MINDY4: variants seen among roughly 807,000 people sequenced by gnomAD.
MINDY4 encodes MINDY lysine 48 deubiquitinase 4, also known as probable ubiquitin carboxyl-terminal hydrolase MINDY-4.
In MINDY4, 68 loss-of-function variants were observed where a neutral mutation model predicts 87.0. That is an observed-to-expected ratio of 0.78 (90% confidence interval 0.64 to 0.96). MINDY4 has a LOEUF of 0.96. MINDY4 is among the 40% of genes least tolerant of loss of function. The pLI is 0.00. For missense variants in MINDY4, 919 were observed against 928.2 expected (o/e 0.99, Z 0.13); for synonymous variants, 379 against 363.2 (o/e 1.04, Z -0.50).
At chr7:30,891,139 T>C (rs1790782520) in intron 17 of MINDY4, among the ~76,000 whole-genome samples, 1 of 152,242 alleles carries the variant, frequency 6.6e-6, no homozygotes, top group Non-Finnish European at 1.5e-5. Context: ...CTGTGAGATA[T>C]TCAACATCTG....
intron 9 of MINDY4, among the ~76,000 whole-genome samples, chr7:30,849,991 T>C (rs1026228223): frequency 5.9e-5 from 9 of 152,246 alleles, no homozygotes; most frequent in African/African-American, 1.9e-4. Context: ...CCCTTGGCCC[T>C]GGCAGTGAAT....
At chr7:30,801,314 G>A (rs772820108) in intron 5 of MINDY4, among the ~76,000 whole-genome samples, 4 of 152,154 alleles carry the variant, frequency 2.6e-5, no homozygotes, top group Non-Finnish European at 5.9e-5. Context: ...AGACTATTAA[G>A]GTTCAAAATC....
At chr7:30,855,767 C>T (rs780557492) in intron 12 of MINDY4, among the ~76,000 whole-genome samples, 2 of 152,228 alleles carry the variant, frequency 1.3e-5, no homozygotes, top group African/African-American at 2.4e-5. Flanking sequence ...GGCCTCCTTT[C>T]AGTGATGCCT....
At chr7:30,779,477 T>C (rs1236205194) in intron 2 of MINDY4, 1 of 152,196 alleles carries the variant, frequency 6.6e-6, no homozygotes, top group Non-Finnish European at 1.5e-5. Context: ...GAAAATGATA[T>C]AGTTCAGCAT....
chr7:30,866,310 T>C (rs1789934166), intron 13 of MINDY4, among the ~76,000 whole-genome samples: 1 of 151,868 alleles, frequency 6.6e-6, no homozygotes, highest in Non-Finnish European at 1.5e-5. Context: ...GAGGGAGAGG[T>C]AATTAACCTG....
At chr7:30,836,420 G>C (rs897244688) in intron 6 of MINDY4, among the ~76,000 whole-genome samples, 6 of 152,204 alleles carry the variant, frequency 3.9e-5, no homozygotes, top group Non-Finnish European at 8.8e-5. Context: ...CAACATCCTC[G>C]TGGTATGAAC....
chr7:30,884,291 T>C (rs1328084248), intron 17 of MINDY4, among the ~76,000 whole-genome samples: 1 of 152,176 alleles, frequency 6.6e-6, no homozygotes, highest in Admixed American at 6.5e-5. Context: ...GCTTTGTCCG[T>C]CCGTCCGTCC....
intron 9 of MINDY4, among the ~76,000 whole-genome samples, chr7:30,850,103 G>A (rs1789360914): frequency 1.3e-5 from 2 of 152,206 alleles, no homozygotes; most frequent in Non-Finnish European, 2.9e-5. Flanking sequence ...AGCACTGCTG[G>A]CTGGGCCTCC....
chr7:30,800,377 T>A lies in MINDY4; in HGVS notation c.1073+8803T>A, dbSNP rs1680613718. Among the ~76,000 whole-genome samples, 3 of 152,344 alleles carry A rather than the reference T, an allele frequency of 2.0e-5. No individual in the cohort carries two copies. The South Asian group carries it at 6.2e-4, about 32-fold the overall frequency. ...CAGGCTCAGACAGCCTTTCCCATCATGACATGTGCAGCCCTCTGCAAGAGC... is the reference window on the plus strand; with the variant it reads ...CAGGCTCAGACAGCCTTTCCCATCAAGACATGTGCAGCCCTCTGCAAGAGC... On this transcript the variant is annotated intron_variant, in intron 5 of 17. Transcript: ENST00000265299.
At chr7:30,783,056 G>C (rs1442127501) in intron 3 of MINDY4, among the ~76,000 whole-genome samples, 1 of 152,184 alleles carries the variant, frequency 6.6e-6, no homozygotes, top group Non-Finnish European at 1.5e-5. Context: ...AGTAGTTAAA[G>C]CAATACCAAT....
At chr7:30,822,590 G>A (rs557686217) in intron 5 of MINDY4, among the ~76,000 whole-genome samples, 93 of 149,216 alleles carry the variant, frequency 6.2e-4, no homozygotes, top group South Asian at 1.1e-3. Flanking sequence ...GGATCCATTC[G>A]AGGTTTGCCC....
chr7:30,863,494 A>T (rs1288766939), intron 13 of MINDY4, among the ~76,000 whole-genome samples: 1 of 152,144 alleles, frequency 6.6e-6, no homozygotes, highest in Non-Finnish European at 1.5e-5. Flanking sequence ...GTGATGTGTG[A>T]TGGAGAGGGC....
intron 2 of MINDY4, chr7:30,780,842 G>A (rs1380087122): frequency 6.6e-6 from 1 of 152,212 alleles, no homozygotes; most frequent in African/African-American, 2.4e-5. Flanking sequence ...AAGCAAGAAG[G>A]CTACAATAAA....
chr7:30,771,469 C>G lies in MINDY4; in HGVS notation c.-25C>G, dbSNP rs770531525. On this transcript the variant is annotated 5_prime_UTR_variant, in exon 1 of 18. Transcript: ENST00000265299. ...TGGTGCTGCGGCCCGGCGTGGGCCT[C>G]GTGGGCAGAGCCAGAGCCAGAGCCA... is the stretch of plus-strand genomic sequence containing the variant. The G allele has an allele frequency of 3.1e-6, 5 of 1,595,734 alleles. No homozygotes were observed. The South Asian group carries it at 4.6e-5, about 15-fold the overall frequency.
intron 17 of MINDY4, among the ~76,000 whole-genome samples, chr7:30,886,093 G>A (rs1454267448): frequency 2.0e-5 from 3 of 152,162 alleles, no homozygotes; most frequent in Non-Finnish European, 4.4e-5. Flanking sequence ...ACGTGACATC[G>A]TGGCATGAGC....
At chr7:30,775,098 C>A (rs1786768517) in intron 1 of MINDY4, among the ~76,000 whole-genome samples, 1 of 152,132 alleles carries the variant, frequency 6.6e-6, no homozygotes, top group African/African-American at 2.4e-5. Context: ...TTCCTCCATA[C>A]AAACTAAATC....
chr7:30,789,000 T>C (rs1269689304), intron 4 of MINDY4, among the ~76,000 whole-genome samples: 1 of 152,248 alleles, frequency 6.6e-6, no homozygotes, highest in Non-Finnish European at 1.5e-5. Flanking sequence ...TTGTTGCCAT[T>C]GCCTTGATTC....
At chr7:30,877,960 G>T (rs765896113) in intron 15 of MINDY4, among the ~76,000 whole-genome samples, 2 of 148,970 alleles carry the variant, frequency 1.3e-5, no homozygotes, top group African/African-American at 4.9e-5. Flanking sequence ...GGTTACAGGT[G>T]TGAGCCACTG....
Position 30,782,181 on chromosome 7 carries a change from A to T in MINDY4, c.388A>T (p.Arg130Ter). Residue 130 changes from arginine (R) to a stop codon, truncating the protein, a stop_gained, in exon 3 of 18, where the codon AGA (arginine) becomes TGA (stop). Coordinates refer to ENST00000265299, the MANE Select transcript of MINDY4 (RefSeq NM_032222.3). LOFTEE classifies it high-confidence loss of function. ...CCTTTCAGATGAAGATGCAGGATGG[A>T]GAACATCATTGTCAGAAACAAGCAA... ...YDLSDEDAGW[R>*]TSLSETSKAR... is the part of the protein sequence containing the mutation. 2 of 1,613,348 alleles carry T rather than the reference A, an allele frequency of 1.2e-6. No homozygotes were observed. The highest frequency in any genetic ancestry group is 1.7e-6 in the Non-Finnish European group (2 of 1,179,658).
Sources: allele counts gnomAD v4.1 joint callset (sites outside exome capture counted in the v4.1 genomes callset), GRCh38; gene constraint gnomAD v4.1.1; transcripts MANE v1.5; gene names NCBI Gene and HGNC (gene_info 2026-07-23, HGNC 2026-07-21).